Variants in EPC2 observed in about 807,000 individuals in gnomAD.
The protein encoded by EPC2 is enhancer of polycomb 2.
EPC2 carries 14 observed loss-of-function variants against 92.1 expected under a neutral mutation model. The ratio of observed to expected loss-of-function variants is 0.15; its 90% confidence interval spans 0.10 to 0.24. The LOEUF is 0.24. EPC2 is among the 10% of genes least tolerant of loss of function. The pLI is 1.00. For missense variants in EPC2, 755 were observed against 971.5 expected (o/e 0.78, Z 2.96); for synonymous variants, 340 against 334.7 (o/e 1.02, Z -0.17).
intron 4 of EPC2, among the ~76,000 whole-genome samples, chr2:148,760,647 A>G (rs1657657686): frequency 6.6e-6 from 1 of 152,238 alleles, no homozygotes; most frequent in South Asian, 2.1e-4. Flanking sequence ...AAGAAGAAAA[A>G]GATGAATTTT....
intron 2 of EPC2, among the ~76,000 whole-genome samples, chr2:148,726,758 G>GTTTTTTTTTTTTTTTT (rs1448355101): frequency 1.3e-5 from 1 of 75,258 alleles, no homozygotes; most frequent in Non-Finnish European, 3.2e-5. Context: ...TTTTTGTTTT[G>GTTTTTTTTTTTTTTTT]TTTTTTGTTT....
At chr2:148,764,253 C>T (rs1202183557) in intron 6 of EPC2, among the ~76,000 whole-genome samples, 1 of 152,122 alleles carries the variant, frequency 6.6e-6, no homozygotes, top group African/African-American at 2.4e-5. Flanking sequence ...TTGGAACAGT[C>T]TTTTCCGACT....
rs536878433 is a variant in EPC2 at position 148,785,986 on chromosome 2, A to G, written c.2352-319A>G. On this transcript the variant is annotated intron_variant, in intron 13 of 13. Transcript: ENST00000258484. Reference sequence around the variant, plus strand: ...AGTGTCATATGCTTCATCTCTCGAGAAAAAAAAAAGAAAAACTTGGTTTGT... The same window carrying G: ...AGTGTCATATGCTTCATCTCTCGAGGAAAAAAAAAGAAAAACTTGGTTTGT... Among the ~76,000 whole-genome samples the G allele has an allele frequency of 1.9e-3, 279 of 147,446 alleles. 1 individual carries two copies. The highest frequency in any genetic ancestry group is 3.6e-3 in the Non-Finnish European group (240 of 67,174).
At chr2:148,782,171 C>A (rs1001679439) in intron 11 of EPC2, among the ~76,000 whole-genome samples, 1 of 152,178 alleles carries the variant, frequency 6.6e-6, no homozygotes, top group Non-Finnish European at 1.5e-5. Context: ...ATGAGCTGGG[C>A]AGTAATTCAG....
chr2:148,678,935 G>C (rs1448832958), intron 1 of EPC2, among the ~76,000 whole-genome samples: 1 of 152,252 alleles, frequency 6.6e-6, no homozygotes. Context: ...AGGACTGCCA[G>C]CACTCTGTCA....
chr2:148,645,207 C>T (rs1385492344), intron 1 of EPC2, 37 bp downstream of exon 1: 2 of 1,492,464 alleles, frequency 1.3e-6, no homozygotes, highest in Admixed American at 2.0e-5. Flanking sequence ...CCCTTCCCTC[C>T]TCCCCCCTCC....
chr2:148,724,552 A>G (rs769729851), intron 2 of EPC2, among the ~76,000 whole-genome samples: 6 of 152,160 alleles, frequency 3.9e-5, no homozygotes, highest in Admixed American at 1.3e-4. Context: ...TCTGAAATAT[A>G]AACAATTTAA....
At chr2:148,650,882 T>C (rs1680668845) in intron 1 of EPC2, among the ~76,000 whole-genome samples, 1 of 152,140 alleles carries the variant, frequency 6.6e-6, no homozygotes, top group African/African-American at 2.4e-5. Flanking sequence ...AACTAAAGTG[T>C]TCTGTATAGG....
At chr2:148,779,225 G>T (rs1265575406) in intron 10 of EPC2, among the ~76,000 whole-genome samples, 1 of 152,186 alleles carries the variant, frequency 6.6e-6, no homozygotes, top group African/African-American at 2.4e-5. Context: ...AACACAGCTA[G>T]TTGGCAATAT....
chr2:148,673,548 A>G (rs991143480), intron 1 of EPC2, among the ~76,000 whole-genome samples: 5 of 152,062 alleles, frequency 3.3e-5, no homozygotes, highest in South Asian at 2.1e-4. Flanking sequence ...AAACTAATCT[A>G]TGTCTTTATT....
At chr2:148,666,653 G>A (rs1222801558) in intron 1 of EPC2, among the ~76,000 whole-genome samples, 1 of 152,194 alleles carries the variant, frequency 6.6e-6, no homozygotes, top group Non-Finnish European at 1.5e-5. Context: ...TGCAGTCTGA[G>A]TAGCACTGCC....
chr2:148,650,321 GTCT>G (rs1680651945), intron 1 of EPC2, among the ~76,000 whole-genome samples: 1 of 152,020 alleles, frequency 6.6e-6, no homozygotes, highest in African/African-American at 2.4e-5. Context: ...ATTTGATAAA[GTCT>G]TCTTCCAGGA....
At chr2:148,711,045 C>A (rs1255701879) in intron 2 of EPC2, among the ~76,000 whole-genome samples, 2 of 151,914 alleles carry the variant, frequency 1.3e-5, no homozygotes, top group African/African-American at 4.8e-5. Flanking sequence ...AAATAATCAG[C>A]TTTTGGTGTT....
chr2:148,729,504 T>G (rs1218674244), intron 2 of EPC2, among the ~76,000 whole-genome samples: 1 of 152,192 alleles, frequency 6.6e-6, no homozygotes, highest in African/African-American at 2.4e-5. Flanking sequence ...TGAATTTCTC[T>G]CAGGATTGTT....
chr2:148,677,716 A>C (rs918840270), intron 1 of EPC2, among the ~76,000 whole-genome samples: 1 of 151,634 alleles, frequency 6.6e-6, no homozygotes, highest in African/African-American at 2.4e-5. Context: ...ATGTGTTCGG[A>C]GTTTCTTCCT....
chr2:148,673,891 A>G (rs1681204970), intron 1 of EPC2, among the ~76,000 whole-genome samples: 1 of 151,988 alleles, frequency 6.6e-6, no homozygotes, highest in South Asian at 2.1e-4. Context: ...TGGCTTTCTG[A>G]TTTTATTTAC....
intron 10 of EPC2, among the ~76,000 whole-genome samples, chr2:148,777,502 T>A (rs893634243): frequency 1.3e-5 from 2 of 150,918 alleles, no homozygotes; most frequent in African/African-American, 4.8e-5. Context: ...CTGTTTAGAT[T>A]GTTCTTTTTG....
chr2:148,782,244 A>G (rs1013248165), intron 11 of EPC2, among the ~76,000 whole-genome samples: 1 of 152,160 alleles, frequency 6.6e-6, no homozygotes, highest in African/African-American at 2.4e-5. Flanking sequence ...TTCCCTGTTG[A>G]AGAAAATTGC....
intron 1 of EPC2, among the ~76,000 whole-genome samples, chr2:148,671,869 C>G (rs935792074): frequency 2.0e-5 from 3 of 151,284 alleles, no homozygotes; most frequent in African/African-American, 7.3e-5. Flanking sequence ...TTTTGGTGTA[C>G]AGTGTATAGT....
Sources: allele counts gnomAD v4.1 joint callset (sites outside exome capture counted in the v4.1 genomes callset), GRCh38; gene constraint gnomAD v4.1.1; transcripts MANE v1.5; gene names NCBI Gene and HGNC (gene_info 2026-07-23, HGNC 2026-07-21).